The following RIMS2 variants were observed in gnomAD, a reference collection of about 807,000 sequenced individuals.
RIMS2 encodes regulating synaptic membrane exocytosis protein 2.
RIMS2 carries 59 observed loss-of-function variants against 174.4 expected under a neutral mutation model. The ratio of observed to expected loss-of-function variants is 0.34; its 90% CI spans 0.27 to 0.42. The LOEUF (loss-of-function observed/expected upper bound fraction) is 0.42. RIMS2 is among the 10% of genes least tolerant of loss of function. The pLI is 1.00. For synonymous variants in RIMS2, 606 were observed against 572.5 expected (o/e 1.06, Z -0.84); for missense variants, 1,620 against 1,666.3 (o/e 0.97, Z 0.48).
Position 103,916,411 on chromosome 8 carries a change from T to C in RIMS2, c.1913-3T>C, listed in dbSNP as rs754726084. 2.5e-6 allele frequency: 4 copies of C among 1,600,614 alleles called. No homozygotes were observed. The highest frequency in any genetic ancestry group is 1.1e-5 in the South Asian group (1 of 89,464). On this transcript the variant is annotated splice_region_variant and splice_polypyrimidine_tract_variant and intron_variant, in intron 7 of 23. Coordinates refer to ENST00000504942, the Ensembl canonical transcript of RIMS2. ...AGATTATTATTACTGACACCCACTATAGGTGATGAAGTATTAGAATGGAAT... is the reference window on the plus strand; with the variant it reads ...AGATTATTATTACTGACACCCACTACAGGTGATGAAGTATTAGAATGGAAT...
At chr8:103,824,479 AAGT>A (rs2098774067) in intron 3 of RIMS2, among the ~76,000 whole-genome samples, 1 of 152,194 alleles carries the variant, frequency 6.6e-6, no homozygotes, top group African/African-American at 2.4e-5. Context: ...GAGAAATTGT[AAGT>A]ATTTTAGAAA....
At chr8:103,513,024 T>C (rs933828972) in intron 1 of RIMS2, among the ~76,000 whole-genome samples, 1 of 152,208 alleles carries the variant, frequency 6.6e-6, no homozygotes, top group Admixed American at 6.5e-5. Context: ...TAACTAATTC[T>C]TATAAGATAT....
chr8:104,040,057 G>A (rs1273015532), intron 19 of RIMS2, among the ~76,000 whole-genome samples: 1 of 151,292 alleles, frequency 6.6e-6, no homozygotes, highest in Non-Finnish European at 1.5e-5. Context: ...AATTGTTTTG[G>A]TCATCTTAGC....
intron 1 of RIMS2, among the ~76,000 whole-genome samples, chr8:103,664,111 C>G (rs1396859094): frequency 1.3e-5 from 2 of 152,132 alleles, no homozygotes; most frequent in African/African-American, 4.8e-5. Flanking sequence ...TTTCCTTACA[C>G]AGTATAAAAA....
chr8:103,883,999 C>T (rs1049103992), intron 3 of RIMS2, among the ~76,000 whole-genome samples: 6 of 151,850 alleles, frequency 4.0e-5, no homozygotes, highest in Admixed American at 3.3e-4. Flanking sequence ...GTCGCCCATT[C>T]AACTGTTATG....
chr8:104,094,936 G>A (rs1598702939), intron 19 of RIMS2, among the ~76,000 whole-genome samples: 1 of 152,162 alleles, frequency 6.6e-6, no homozygotes, highest in East Asian at 1.9e-4. Context: ...AGCTCTGAGA[G>A]TCTGATTTAT....
intron 19 of RIMS2, among the ~76,000 whole-genome samples, chr8:104,084,095 G>T (rs1398044327): frequency 6.6e-6 from 1 of 152,006 alleles, no homozygotes; most frequent in Non-Finnish European, 1.5e-5. Flanking sequence ...GTGATAGATT[G>T]TTACTGTCCT....
intron 16 of RIMS2, among the ~76,000 whole-genome samples, chr8:103,978,575 C>T (rs560625164): frequency 3.0e-4 from 45 of 152,308 alleles, no homozygotes; most frequent in Non-Finnish European, 3.2e-4. Flanking sequence ...AAGGCCATTT[C>T]TGTAAAGAAG....
Position 104,034,957 on chromosome 8 carries a change from A to G in RIMS2, c.3334+20342A>G, listed in dbSNP as rs73295575. ...AGCTGATATTTTAATTACCACACAA[A>G]AAAGTAGTGGGAAAGCTCCCTTAAA... On this transcript the variant is annotated intron_variant, in intron 19 of 23. Transcript: ENST00000504942. Among the ~76,000 whole-genome samples the G allele has an allele frequency of 6.8e-3, 1,037 of 152,296 alleles. 14 individuals carry two copies. The highest frequency in any genetic ancestry group is 0.023 in the African/African-American group (976 of 41,566).
At chr8:103,853,867 C>T (rs544939573) in intron 3 of RIMS2, among the ~76,000 whole-genome samples, 2 of 152,056 alleles carry the variant, frequency 1.3e-5, no homozygotes, top group South Asian at 2.1e-4. Context: ...GCTATTCAGG[C>T]TCTTTTTTGA....
intron 5 of RIMS2, among the ~76,000 whole-genome samples, chr8:103,911,477 C>A (rs1309747885): frequency 6.6e-6 from 1 of 152,092 alleles, no homozygotes. Context: ...TTCTCCCATG[C>A]AGATTCAACT....
chr8:103,634,063 TG>T (rs2096013071), intron 1 of RIMS2, among the ~76,000 whole-genome samples: 1 of 152,216 alleles, frequency 6.6e-6, no homozygotes, highest in Admixed American at 6.5e-5. Flanking sequence ...CTGCTAGCTT[TG>T]GGGTTGATTT....
intron 22 of RIMS2, among the ~76,000 whole-genome samples, chr8:104,250,594 T>C (rs974718419): frequency 8.0e-5 from 10 of 124,952 alleles, no homozygotes; most frequent in African/African-American, 3.0e-4. Flanking sequence ...TCCACTACTG[T>C]TATACCCACA....
chr8:103,894,436 T>A lies in RIMS2; in HGVS notation c.1624+8213T>A, dbSNP rs74350564. Among the ~76,000 whole-genome samples the A allele has an allele frequency of 2.3e-3, 349 of 151,740 alleles. 4 individuals are homozygous for A. The highest frequency in any genetic ancestry group is 3.7e-3 in the Non-Finnish European group (253 of 67,962). ...AGGACCTTCAACTAGAAATGACTAA[T>A]CTGCAGTATAATAAAATGCCAAGCT... On this transcript the variant is annotated intron_variant, in intron 4 of 23. Transcript: ENST00000504942.
chr8:103,818,808 A>T (rs1023684531), intron 3 of RIMS2, among the ~76,000 whole-genome samples: 1 of 152,204 alleles, frequency 6.6e-6, no homozygotes, highest in Non-Finnish European at 1.5e-5. Context: ...TAAAACACCT[A>T]AGTACATGTT....
chr8:103,785,878 C>T (rs1174165852), intron 3 of RIMS2, among the ~76,000 whole-genome samples: 1 of 152,080 alleles, frequency 6.6e-6, no homozygotes, highest in Non-Finnish European at 1.5e-5. Context: ...TGGTAGAATT[C>T]GGCTGTGAAT....
At chr8:103,721,589 A>G (rs567822792) in intron 2 of RIMS2, among the ~76,000 whole-genome samples, 1 of 152,206 alleles carries the variant, frequency 6.6e-6, no homozygotes, top group Non-Finnish European at 1.5e-5. Context: ...CATATTTATA[A>G]TTGCAGCATA....
Position 104,148,700 on chromosome 8 carries a change from G to A in RIMS2, c.3335-96216G>A, listed in dbSNP as rs990084443. Reference sequence around the variant, plus strand: ...GCATCAGTGGAGACATGTGCTCACTGGAGAAGAATGATGGCAGCCAGTCTG... The same window carrying A: ...GCATCAGTGGAGACATGTGCTCACTAGAGAAGAATGATGGCAGCCAGTCTG... On this transcript the variant is annotated intron_variant, in intron 19 of 23. Coordinates refer to ENST00000504942, the Ensembl canonical transcript of RIMS2. 4 of 1,598,264 alleles carry A rather than the reference G, an allele frequency of 2.5e-6. No individual in the cohort carries two copies. The Admixed American group carries it at 6.7e-5, about 27-fold the overall frequency.
intron 19 of RIMS2, among the ~76,000 whole-genome samples, chr8:104,075,743 CA>C (rs1416685813): frequency 6.6e-6 from 1 of 152,020 alleles, no homozygotes; most frequent in African/African-American, 2.4e-5. Flanking sequence ...GATATGGGAG[CA>C]TAAGAGAAAA....
Sources: allele counts gnomAD v4.1 joint callset (sites outside exome capture counted in the v4.1 genomes callset), GRCh38; gene constraint gnomAD v4.1.1; transcripts MANE v1.5; gene names NCBI Gene and HGNC (gene_info 2026-07-23, HGNC 2026-07-21).